Variants in SEC14L2 observed in about 807,000 individuals in gnomAD.
The protein encoded by SEC14L2 is SEC14 like lipid binding 2.
Under a neutral mutation model 56.9 loss-of-function variants are expected in SEC14L2, and 50 were observed. The ratio of observed to expected loss-of-function variants is 0.88; its 90% confidence interval spans 0.70 to 1.11. SEC14L2 has a LOEUF of 1.11. Among genes scored for constraint, SEC14L2 ranks in the 50% most tolerant of loss-of-function variants. The pLI is 0.00. For missense variants in SEC14L2, 414 were observed against 500.7 expected (o/e 0.83, Z 1.65); for synonymous variants, 179 against 188.5 (o/e 0.95, Z 0.41).
intron 1 of SEC14L2, chr22:30,397,429 G>C (rs1933785717): frequency 4.2e-6 from 2 of 477,790 alleles, no homozygotes; most frequent in Admixed American, 8.0e-5. Context: ...ACAAGTGGTT[G>C]CTTGTGAGTC....
In SEC14L2 at chr22:30,424,917, T is replaced by C. The variant is rs1415504830; in HGVS notation, c.*2510T>C. ...CATTCGTTAATTAATTCATCCAACA[T>C]CCTGTCCCCAAGAAGCTCAGTCTGG... On this transcript the variant is annotated 3_prime_UTR_variant, in exon 12 of 12. Coordinates refer to ENST00000615189, the MANE Select transcript of SEC14L2 (RefSeq NM_012429.5). 1 of 435,360 alleles carries C rather than the reference T, an allele frequency of 2.3e-6. No homozygotes were observed. Among genetic ancestry groups the C allele is most frequent in the African/African-American group, 2.0e-5 (1 of 49,726 alleles). The allele number at this position is 435,360 out of a possible 1,614,324, so 27.0% of individuals were successfully genotyped here.
At chr22:30,420,078 C>A (rs1934477405) in intron 11 of SEC14L2, among the ~76,000 whole-genome samples, 1 of 152,074 alleles carries the variant, frequency 6.6e-6, no homozygotes, top group African/African-American at 2.4e-5. Context: ...CTCAGCCTCC[C>A]AAGTAGCTGG....
intron 1 of SEC14L2, chr22:30,397,941 C>T: frequency 2.1e-6 from 1 of 467,342 alleles, no homozygotes; most frequent in Admixed American, 2.4e-5. Context: ...CCTTCCTCTT[C>T]ACGAACTAAA....
At chr22:30,402,802 G>A (rs1038356944) in intron 2 of SEC14L2, among the ~76,000 whole-genome samples, 5 of 151,226 alleles carry the variant, frequency 3.3e-5, no homozygotes, top group African/African-American at 1.2e-4. Context: ...ACCAAGGCCT[G>A]GCATGGTGGT....
At chr22:30,415,649 G>A in intron 8 of SEC14L2, 110 bp from the exon 9 acceptor site, 1 of 828,758 alleles carries the variant, frequency 1.2e-6, no homozygotes, top group African/African-American at 1.7e-5. Flanking sequence ...GGTGTTGTGG[G>A]GTGCAATGGA....
rs915856059 is a variant in SEC14L2, at chr22:30,423,941, A to G, written c.*1534A>G. 2 of 152,280 alleles carry G rather than the reference A, an allele frequency of 1.3e-5. No individual in the cohort carries two copies. Among genetic ancestry groups the G allele is most frequent in the Non-Finnish European group, 2.9e-5 (2 of 68,060 alleles). 9.4% of individuals were successfully genotyped at this position (152,280 alleles called of 1,614,324 possible). ...GGGACCCGGACCCAGCAGCCGTTTC[A>G]CGCCAATAGATAGGGCGCATGCGCA... On this transcript the variant is annotated 3_prime_UTR_variant, in exon 12 of 12. Transcript: ENST00000615189.
chr22:30,420,095 A>G (rs1488642690), intron 11 of SEC14L2, among the ~76,000 whole-genome samples: 1 of 152,076 alleles, frequency 6.6e-6, no homozygotes, highest in Non-Finnish European at 1.5e-5. Context: ...CTGGGATTAC[A>G]GGCATGGGCC....
At chr22:30,406,783 TCTGTCACC>T (rs1187929305) in intron 3 of SEC14L2, among the ~76,000 whole-genome samples, 1 of 152,238 alleles carries the variant, frequency 6.6e-6, no homozygotes, top group African/African-American at 2.4e-5. Flanking sequence ...AGAGTCTCGC[TCTGTCACC>T]CAGGCTGGAG....
In SEC14L2 at chr22:30,424,439, G is replaced by A; in HGVS notation, c.*2032G>A. The A allele has an allele frequency of 3.0e-6, 1 of 338,528 alleles. No homozygotes were observed. Among genetic ancestry groups the A allele is most frequent in the East Asian group, 7.8e-5 (1 of 12,848 alleles). 21.0% of individuals were successfully genotyped at this position (338,528 alleles called of 1,614,324 possible). Reference sequence around the variant, plus strand: ...GAGGCGCCTAGGGCTGAAAGCGGGGGCCTCCGTAGGGAGCCAGCGGGGGCC... The same window carrying A: ...GAGGCGCCTAGGGCTGAAAGCGGGGACCTCCGTAGGGAGCCAGCGGGGGCC... On this transcript the variant is annotated 3_prime_UTR_variant, in exon 12 of 12. Transcript: ENST00000615189.
intron 8 of SEC14L2, among the ~76,000 whole-genome samples, chr22:30,414,476 G>C (rs919104568): frequency 2.6e-5 from 4 of 152,096 alleles, no homozygotes; most frequent in African/African-American, 4.8e-5. Flanking sequence ...ATCACCCCAA[G>C]ACCACAGACA....
Position 30,399,623 on chromosome 22 carries a change from C to T in SEC14L2, c.55-20C>T. The T allele has an allele frequency of 6.2e-7, 1 of 1,607,204 alleles. No homozygotes were observed. Among genetic ancestry groups the T allele is most frequent in the African/African-American group, 1.3e-5 (1 of 74,996 alleles). On this transcript the variant is annotated intron_variant, in intron 1 of 11. Transcript: ENST00000615189. ...AGTCAGGGCGGGCCCTACCACTCAC[C>T]CCGATGCCTCTCCCTACAGTTTCGG...
At chr22:30,413,805 T>C (rs1934316409) in intron 8 of SEC14L2, among the ~76,000 whole-genome samples, 1 of 151,928 alleles carries the variant, frequency 6.6e-6, no homozygotes, top group African/African-American at 2.4e-5. Context: ...AAGCTCTGTT[T>C]TTTTTTTTTC....
rs1934386599 is a variant in SEC14L2 at position 30,416,214 on chromosome 22, A to G, written c.912-20A>G. 2 of 1,612,208 alleles carry G rather than the reference A, an allele frequency of 1.2e-6. No individual in the cohort carries two copies. The highest frequency in any genetic ancestry group is 1.7e-6 in the Non-Finnish European group (2 of 1,178,370). On this transcript the variant is annotated intron_variant, in intron 10 of 11. Coordinates refer to ENST00000615189, the MANE Select transcript of SEC14L2 (RefSeq NM_012429.5). ...CACACACAGACAGAATTATGTCTCA[A>G]TTGGTGATATCCCCTGCAGGTGGCA...
At chr22:30,421,113 G>T (rs1934504259) in intron 11 of SEC14L2, 1 of 151,990 alleles carries the variant, frequency 6.6e-6, no homozygotes, top group African/African-American at 2.4e-5. Context: ...CCTGCGCGAG[G>T]ATGACAATCA....
Position 30,422,410 on chromosome 22 carries a change from CCTT to C in SEC14L2, c.*6_*8del, listed in dbSNP as rs780824044. On this transcript the variant is annotated 3_prime_UTR_variant, in exon 12 of 12. Coordinates refer to ENST00000615189, the MANE Select transcript of SEC14L2 (RefSeq NM_012429.5). Reference sequence around the variant, plus strand: ...TGGGGGCAGGCACCCCGAAATAACACCTTCTCCTATAGCAGGCCTGGCCCCCTC... The same window carrying C: ...TGGGGGCAGGCACCCCGAAATAACACCTCCTATAGCAGGCCTGGCCCCCTC... 6 of 1,614,056 alleles carry C rather than the reference CCTT, an allele frequency of 3.7e-6. No individual in the cohort carries two copies. In the East Asian group the frequency reaches 1.3e-4, roughly 36 times the overall value.
intron 2 of SEC14L2, 78 bp downstream of exon 2, chr22:30,399,796 C>T (rs1351876249): frequency 1.4e-5 from 19 of 1,345,106 alleles, no homozygotes; most frequent in Non-Finnish European, 1.9e-5. Flanking sequence ...GAAAACCCTG[C>T]CCTTGGCAAT....
chr22:30,401,882 G>C (rs1241443699), intron 2 of SEC14L2, among the ~76,000 whole-genome samples: 1 of 152,042 alleles, frequency 6.6e-6, no homozygotes, highest in Non-Finnish European at 1.5e-5. Context: ...ACACACCACT[G>C]TGACTGGCCC....
rs74278372 is a variant in SEC14L2 at position 30,399,538 on chromosome 22, G to C, written c.55-105G>C. The C allele has an allele frequency of 5.4e-4, 178 of 332,610 alleles. 3 individuals carry two copies. In the Admixed American group the frequency reaches 8.7e-3, roughly 16 times the overall value. The allele number at this position is 332,610 out of a possible 1,614,324, so 20.6% of individuals were successfully genotyped here. ...CAAAAAAAAAAAAAAAAAAAAAAAA[G>C]AAACAAAGAAAGAGGCGTCCAGCAA... On this transcript the variant is annotated intron_variant, in intron 1 of 11. Transcript: ENST00000615189.
chr22:30,404,402 A>G (rs1934035044), intron 2 of SEC14L2, among the ~76,000 whole-genome samples: 1 of 152,154 alleles, frequency 6.6e-6, no homozygotes, highest in African/African-American at 2.4e-5. Context: ...GATTTTCATA[A>G]CGGCAGAGTC....
Sources: gnomAD v4.1 joint callset for allele counts (sites outside exome capture counted in the v4.1 genomes callset) on GRCh38, gnomAD v4.1.1 for gene constraint, MANE v1.5 for transcripts, NCBI Gene and HGNC (gene_info 2026-07-23, HGNC 2026-07-21) for gene names.